PIAS1: variants seen among roughly 807,000 people sequenced by gnomAD.
PIAS1 encodes E3 SUMO-protein ligase PIAS1.
In PIAS1, 6 loss-of-function variants were observed where a neutral mutation model predicts 71.3. That is an observed-to-expected ratio of 0.08 (90% confidence interval 0.05 to 0.17). The LOEUF (loss-of-function observed/expected upper bound fraction) is 0.17. Among genes scored for constraint, PIAS1 ranks in the 10% least tolerant of loss-of-function variants. The pLI, the probability that PIAS1 is intolerant of heterozygous loss-of-function variation, is 1.00. For synonymous variants in PIAS1, 303 were observed against 292.9 expected (o/e 1.03, Z -0.35); for missense variants, 555 against 793.6 (o/e 0.70, Z 3.61).
At chr15:68,184,404 G>A (rs1209254246) in intron 13 of PIAS1, 1 of 152,154 alleles carries the variant, frequency 6.6e-6, no homozygotes, top group African/African-American at 2.4e-5. Flanking sequence ...ATCAGATATG[G>A]AGAAACTTGT....
At chr15:68,114,799 C>G (rs931758334) in intron 2 of PIAS1, among the ~76,000 whole-genome samples, 1 of 151,394 alleles carries the variant, frequency 6.6e-6, no homozygotes, top group East Asian at 1.9e-4. Flanking sequence ...TATTTTTGAT[C>G]TAGTTCGTTT....
chr15:68,093,587 T>G lies in PIAS1; in HGVS notation c.469+6837T>G, dbSNP rs74020025. Among the ~76,000 whole-genome samples, 975 of 152,320 alleles carry G rather than the reference T, an allele frequency of 6.4e-3. 9 individuals are homozygous for G. Among genetic ancestry groups the G allele is most frequent in the African/African-American group, 0.022 (903 of 41,576 alleles). On this transcript the variant is annotated intron_variant, in intron 2 of 13. Transcript: ENST00000249636. ...GTTCATTTTCTTGCCTGAGAATAAT[T>G]TAAGTGGTTTATTTTGTGGGGGAAC...
intron 2 of PIAS1, among the ~76,000 whole-genome samples, chr15:68,097,845 A>G (rs527733535): frequency 6.6e-6 from 1 of 152,184 alleles, no homozygotes; most frequent in Non-Finnish European, 1.5e-5. Context: ...CATATATTAA[A>G]CCAGTAGCTG....
intron 1 of PIAS1, among the ~76,000 whole-genome samples, chr15:68,056,765 A>AT (rs1443785246): frequency 6.9e-6 from 1 of 144,838 alleles, no homozygotes; most frequent in Non-Finnish European, 1.5e-5. Context: ...AGAATGTGTT[A>AT]AAAAAAAGAG....
intron 11 of PIAS1, among the ~76,000 whole-genome samples, chr15:68,179,975 C>T (rs1398954931): frequency 2.0e-5 from 3 of 152,102 alleles, no homozygotes; most frequent in Non-Finnish European, 2.9e-5. Context: ...TTATTGCTTC[C>T]TTTCTCTTTA....
At chr15:68,066,434 T>C (rs1486238454) in intron 1 of PIAS1, among the ~76,000 whole-genome samples, 3 of 152,154 alleles carry the variant, frequency 2.0e-5, no homozygotes, top group African/African-American at 2.4e-5. Context: ...TAGTAAAATA[T>C]AAGAATCATA....
intron 4 of PIAS1, among the ~76,000 whole-genome samples, chr15:68,144,764 C>A (rs8035890): frequency 0.48 from 72,408 of 151,918 alleles, 18,106 homozygotes; most frequent in Middle Eastern, 0.56. Context: ...GATCCCTGAT[C>A]CCTTTGAGAA....
chr15:68,174,590 G>A lies in PIAS1; in HGVS notation c.1169+698G>A, dbSNP rs1166083281. 6.6e-6 allele frequency among the ~76,000 whole-genome samples: 1 copy of A among 152,078 alleles called. No individual in the cohort carries two copies. The highest frequency in any genetic ancestry group is 6.6e-5 in the Admixed American group (1 of 15,254). ...TTGCCATTTTGCCCAGGCTGCTCTC[G>A]AATTCCTGGGCTCAAGTGATCCTCC... On this transcript the variant is annotated intron_variant, in intron 9 of 13. Transcript: ENST00000249636. This position sits in a 1 kb window ranked among gnomAD's most constrained non-coding sequence, Gnocchi z 4.0.
chr15:68,105,242 C>T (rs2092458794), intron 2 of PIAS1, among the ~76,000 whole-genome samples: 1 of 152,162 alleles, frequency 6.6e-6, no homozygotes, highest in South Asian at 2.1e-4. Flanking sequence ...AATCTTAATA[C>T]TCTAACTTAT....
At position 68,166,967 on chromosome 15, in the gene PIAS1, C is replaced by T. The variant is rs962137492; in HGVS notation, c.1008+2163C>T. ...CAACCCCCCAAGTAGCTGGGACTAC[C>T]GGCATGTGCCACCACACCCGGCTGA... On this transcript the variant is annotated intron_variant, in intron 8 of 13. Transcript: ENST00000249636. 3.9e-5 allele frequency among the ~76,000 whole-genome samples: 6 copies of T among 152,102 alleles called. No homozygotes were observed. The East Asian group carries it at 7.7e-4, about 20-fold the overall frequency.
chr15:68,156,030 C>G (rs933869673), intron 7 of PIAS1, among the ~76,000 whole-genome samples: 1 of 152,170 alleles, frequency 6.6e-6, no homozygotes, highest in African/African-American at 2.4e-5. Flanking sequence ...TTATTTTGTT[C>G]AGTGTCAAGA....
At position 68,054,392 on chromosome 15, in the gene PIAS1, A is replaced by G. The variant is rs2091871281; in HGVS notation, c.24+42A>G. On this transcript the variant is annotated intron_variant, in intron 1 of 13. Coordinates refer to ENST00000249636, the MANE Select transcript of PIAS1 (RefSeq NM_016166.3). This position sits in a 1 kb window ranked among gnomAD's most constrained non-coding sequence, Gnocchi z 4.6. ...ATTCACTTCTAATATTCGGCCGCGG[A>G]GACGGCGCCGCTGCTGCCAGGGGGG... 6.4e-7 allele frequency: 1 copy of G among 1,550,686 alleles called. No homozygotes were observed. The highest frequency in any genetic ancestry group is 8.7e-7 in the Non-Finnish European group (1 of 1,146,106).
intron 2 of PIAS1, chr15:68,087,916 T>A: frequency 3.1e-6 from 1 of 322,140 alleles, no homozygotes; most frequent in Admixed American, 3.8e-5. Flanking sequence ...CATTATTTTA[T>A]TTTTTAAGTG....
chr15:68,119,455 A>G (rs776658634), intron 2 of PIAS1, among the ~76,000 whole-genome samples: 39 of 151,616 alleles, frequency 2.6e-4, no homozygotes, highest in Non-Finnish European at 4.1e-4. Flanking sequence ...AAAAAAAAGT[A>G]AATGGGCAAA....
intron 2 of PIAS1, among the ~76,000 whole-genome samples, chr15:68,109,530 G>A (rs2092503516): frequency 6.6e-6 from 1 of 152,076 alleles, no homozygotes; most frequent in African/African-American, 2.4e-5. Flanking sequence ...TCCATTTTGT[G>A]GTTCTGCTTC....
intron 2 of PIAS1, among the ~76,000 whole-genome samples, chr15:68,094,713 C>T (rs186084719): frequency 4.8e-4 from 73 of 152,248 alleles, no homozygotes; most frequent in African/African-American, 1.7e-3. Flanking sequence ...ATGATTCATT[C>T]TACTCTACTT....
At position 68,187,329 on chromosome 15, in the gene PIAS1, T is replaced by C. The variant is rs574062846; in HGVS notation, c.1663-213T>C. Among the ~76,000 whole-genome samples, 11 of 152,308 alleles carry C rather than the reference T, an allele frequency of 7.2e-5. No homozygotes were observed. Among genetic ancestry groups the C allele is most frequent in the African/African-American group, 2.6e-4 (11 of 41,566 alleles). On this transcript the variant is annotated intron_variant, in intron 13 of 13. Transcript: ENST00000249636. This position sits in a 1 kb window ranked among gnomAD's most constrained non-coding sequence, Gnocchi z 5.3. Reference sequence around the variant, plus strand: ...AAACAATAAAATTTATATTTTGTTTTTCCTCCAGTTTCAGATACAAAAATG... The same window carrying C: ...AAACAATAAAATTTATATTTTGTTTCTCCTCCAGTTTCAGATACAAAAATG...
intron 2 of PIAS1, among the ~76,000 whole-genome samples, chr15:68,117,446 G>A (rs1018652924): frequency 1.3e-5 from 2 of 152,128 alleles, no homozygotes; most frequent in East Asian, 1.9e-4. Context: ...GCTACCATGC[G>A]TTAGAACACG....
In PIAS1 at chr15:68,134,916, G is replaced by A. The variant is rs1157500337; in HGVS notation, c.470-7030G>A. Among the ~76,000 whole-genome samples, 9 of 52,220 alleles carry A rather than the reference G, an allele frequency of 1.7e-4. No homozygotes were observed. In the South Asian group the frequency reaches 3.7e-3, roughly 22 times the overall value. The allele number at this position is 52,220 out of a possible 152,430, so 34.3% of individuals were successfully genotyped here. ...GGGCTCCCCACCTCCCAGCAGGGGTGGCTGGGCAGAGGCGCCCCCCACCCC... is the reference window on the plus strand; with the variant it reads ...GGGCTCCCCACCTCCCAGCAGGGGTAGCTGGGCAGAGGCGCCCCCCACCCC... On this transcript the variant is annotated intron_variant, in intron 2 of 13. Transcript: ENST00000249636.
Sources: gnomAD v4.1 joint callset for allele counts (sites outside exome capture counted in the v4.1 genomes callset) on GRCh38, gnomAD v4.1.1 for gene constraint, Gnocchi (gnomAD v3.1) non-coding constraint, MANE v1.5 for transcripts, NCBI Gene and HGNC (gene_info 2026-07-23, HGNC 2026-07-21) for gene names.